Variants in UBXN7 observed in about 807,000 individuals in gnomAD.
UBXN7 encodes the protein UBX domain protein 7, also known as UBX domain-containing protein 7.
UBXN7 carries 9 observed loss-of-function variants against 58.0 expected under a neutral mutation model. The observed-to-expected ratio is 0.16, with a 90% CI of 0.09 to 0.27. The LOEUF (loss-of-function observed/expected upper bound fraction) is 0.27. Among genes scored for constraint, UBXN7 ranks in the 10% least tolerant of loss-of-function variants. The probability of loss-of-function intolerance (pLI) is 1.00; values close to 1 mark genes in which losing one functional copy is unlikely to be tolerated. For synonymous variants in UBXN7, 208 were observed against 205.0 expected (o/e 1.01, Z -0.12); for missense variants, 328 against 599.6 (o/e 0.55, Z 4.73).
intron 5 of UBXN7, among the ~76,000 whole-genome samples, chr3:196,387,492 T>G (rs1729441811): frequency 6.6e-6 from 1 of 151,766 alleles, no homozygotes; most frequent in African/African-American, 2.4e-5. Context: ...ACCATTAGAG[T>G]GAACAGGCAA....
chr3:196,417,538 T>C (rs1374291918), intron 1 of UBXN7, among the ~76,000 whole-genome samples: 1 of 151,900 alleles, frequency 6.6e-6, no homozygotes, highest in African/African-American at 2.4e-5. Context: ...AGTAAGATAC[T>C]AATTTCTCTA....
At position 196,398,861 on chromosome 3, in the gene UBXN7, T is replaced by C. The variant is rs138555475; in HGVS notation, c.289+4091A>G. Among the ~76,000 whole-genome samples the C allele has an allele frequency of 8.6e-3, 1,313 of 152,242 alleles. 18 individuals carry two copies. Among genetic ancestry groups the C allele is most frequent in the African/African-American group, 0.03 (1,229 of 41,538 alleles). On this transcript the variant is annotated intron_variant, in intron 3 of 10. Coordinates refer to ENST00000296328, the MANE Select transcript of UBXN7 (RefSeq NM_015562.2). ...TATGTAGCCCAGGCTGGTGTGGAACTCCCAGGCTCAAACAATCCTCCCGCC... is the reference window on the plus strand; with the variant it reads ...TATGTAGCCCAGGCTGGTGTGGAACCCCCAGGCTCAAACAATCCTCCCGCC...
At chr3:196,396,488 C>T (rs1259775619) in intron 3 of UBXN7, among the ~76,000 whole-genome samples, 1 of 151,954 alleles carries the variant, frequency 6.6e-6, no homozygotes, top group Non-Finnish European at 1.5e-5. Context: ...GGAGGCTGGG[C>T]ATGGTAGCTC....
intron 2 of UBXN7, among the ~76,000 whole-genome samples, chr3:196,407,023 C>T (rs1008730278): frequency 1.3e-5 from 2 of 152,124 alleles, no homozygotes; most frequent in Non-Finnish European, 2.9e-5. Flanking sequence ...CCCATCTCCC[C>T]GACTTCACAG....
chr3:196,385,791 T>TG (rs200291961), intron 5 of UBXN7, among the ~76,000 whole-genome samples: 63 of 132,538 alleles, frequency 4.8e-4, no homozygotes, highest in African/African-American at 1.1e-3. Context: ...GTCTGGGAAG[T>TG]GGGGGGGGTG....
chr3:196,362,736 AAAAC>A, intron 8 of UBXN7, 49 bp from the exon 9 acceptor site: 1 of 1,543,178 alleles, frequency 6.5e-7, no homozygotes. Context: ...GTTAAACCAA[AAAAC>A]AAGTCAAACG....
chr3:196,372,326 CCTTTCTTT>C (rs1303704521), intron 5 of UBXN7, among the ~76,000 whole-genome samples: 3 of 143,152 alleles, frequency 2.1e-5, no homozygotes, highest in Admixed American at 7.1e-5. Context: ...CTCTCTCTCT[CCTTTCTTT>C]CTTTCTTTCT....
At chr3:196,429,848 T>TAA (rs1730968979) in intron 1 of UBXN7, among the ~76,000 whole-genome samples, 2 of 152,064 alleles carry the variant, frequency 1.3e-5, no homozygotes, top group African/African-American at 4.8e-5. Context: ...TACCACTGTC[T>TAA]ACTGATTGAG....
At chr3:196,430,212 G>A (rs570066094) in intron 1 of UBXN7, among the ~76,000 whole-genome samples, 26 of 151,858 alleles carry the variant, frequency 1.7e-4, no homozygotes, top group South Asian at 1.3e-3. Context: ...AAAATTAGCC[G>A]GGCCTGGTGA....
chr3:196,361,895 A>G lies in UBXN7; in HGVS notation c.1257T>C (p.Tyr419=), dbSNP rs1728514620. 1.2e-6 allele frequency: 2 copies of G among 1,613,502 alleles called. No homozygotes were observed. Among genetic ancestry groups the G allele is most frequent in the African/African-American group, 1.3e-5 (1 of 74,910 alleles). ...NGPKAQLMLR[Y]PDGKREQITL... Reference sequence around the variant, plus strand: ...TGATCTGTTCCCTTTTTCCATCTGGATACCGCAACATCAGCTGTGCTTTTG... The same window carrying G: ...TGATCTGTTCCCTTTTTCCATCTGGGTACCGCAACATCAGCTGTGCTTTTG... Residue 419 remains tyrosine (Y), a synonymous_variant, in exon 10 of 11, where the codon TAT becomes TAC. Transcript: ENST00000296328.
intron 5 of UBXN7, among the ~76,000 whole-genome samples, chr3:196,385,674 G>A (rs1048480578): frequency 3.3e-5 from 5 of 151,884 alleles, no homozygotes; most frequent in Non-Finnish European, 5.9e-5. Flanking sequence ...GAGAAGTGAG[G>A]AGCCCCTCTG....
chr3:196,420,081 A>G (rs1730631817), intron 1 of UBXN7, among the ~76,000 whole-genome samples: 1 of 152,184 alleles, frequency 6.6e-6, no homozygotes, highest in Admixed American at 6.5e-5. Flanking sequence ...TTACCTATGC[A>G]CCCAAGAGGG....
Position 196,407,356 on chromosome 3 carries a change from C to G in UBXN7, c.111G>C (p.Ala37=). The G allele has an allele frequency of 6.2e-7, 1 of 1,612,274 alleles. No homozygotes were observed. The highest frequency in any genetic ancestry group is 8.5e-7 in the Non-Finnish European group (1 of 1,179,792). ...CTGCCATTTCCAGATTATTGTTGCA[C>G]GCTTCAAGCATATGTTTTCCTACAC... is the stretch of plus-strand genomic sequence containing the variant. ...SESVGKHMLE[A]CNNNLEMAVT... is the part of the protein sequence containing the mutation. Residue 37 remains alanine (A), a synonymous_variant, in exon 2 of 11, where the codon GCG becomes GCC. Coordinates refer to ENST00000296328, the MANE Select transcript of UBXN7 (RefSeq NM_015562.2).
chr3:196,429,187 C>T (rs766748930), intron 1 of UBXN7, among the ~76,000 whole-genome samples: 2 of 152,090 alleles, frequency 1.3e-5, no homozygotes, highest in Admixed American at 6.5e-5. Context: ...ATTAGCCAGG[C>T]GTGGTGGCAG....
In UBXN7 at chr3:196,351,153, C is replaced by A. The variant is rs559296592; in HGVS notation, c.*5532G>T. On this transcript the variant is annotated 3_prime_UTR_variant, in exon 11 of 11. Coordinates refer to ENST00000296328, the MANE Select transcript of UBXN7 (RefSeq NM_015562.2). Reference sequence around the variant, plus strand: ...TGTGGAATAAAAAACATTTTTAAGTCAGCCTAATTGTATCTTTAAAAAGCT... The same window carrying A: ...TGTGGAATAAAAAACATTTTTAAGTAAGCCTAATTGTATCTTTAAAAAGCT... 1.3e-5 allele frequency: 2 copies of A among 152,280 alleles called. No individual in the cohort carries two copies. The highest frequency in any genetic ancestry group is 1.3e-4 in the Admixed American group (2 of 15,292). 9.4% of individuals were successfully genotyped at this position (152,280 alleles called of 1,614,324 possible).
intron 5 of UBXN7, among the ~76,000 whole-genome samples, chr3:196,373,180 T>C (rs1005153809): frequency 5.9e-5 from 9 of 152,228 alleles, no homozygotes; most frequent in African/African-American, 2.4e-5. Flanking sequence ...TTTTGGAGAA[T>C]CACCCTAAAC....
chr3:196,417,061 C>G (rs910548573), intron 1 of UBXN7, among the ~76,000 whole-genome samples: 1 of 152,326 alleles, frequency 6.6e-6, no homozygotes, highest in Middle Eastern at 3.4e-3. Context: ...CGCCTGTAAT[C>G]CCAGAACTTT....
chr3:196,421,509 T>C, intron 1 of UBXN7, among the ~76,000 whole-genome samples: 1 of 152,142 alleles, frequency 6.6e-6, no homozygotes. Context: ...TGGTGGCTCA[T>C]GCCCATAATC....
chr3:196,409,850 C>A (rs1338167108), intron 1 of UBXN7, among the ~76,000 whole-genome samples: 2 of 152,078 alleles, frequency 1.3e-5, no homozygotes, highest in East Asian at 3.8e-4. Context: ...CCAGTGTGGA[C>A]AGATTCCACC....
Sources: gnomAD v4.1 joint callset for allele counts (sites outside exome capture counted in the v4.1 genomes callset) on GRCh38, gnomAD v4.1.1 for gene constraint, MANE v1.5 for transcripts, NCBI Gene and HGNC (gene_info 2026-07-23, HGNC 2026-07-21) for gene names.